GAREM1: variants seen among roughly 807,000 people sequenced by gnomAD.
The protein encoded by GAREM1 is GRB2-associated and regulator of MAPK protein 1.
A neutral mutation model predicts 71.3 loss-of-function variants in GAREM1; 26 were observed. The ratio of observed to expected loss-of-function variants is 0.36; its 90% confidence interval spans 0.27 to 0.51. GAREM1 has a LOEUF of 0.51. Ranked by LOEUF, GAREM1 falls within the 20% of genes least tolerant of loss-of-function variation. The pLI is 0.95. For missense variants in GAREM1, 1,026 were observed against 1,103.1 expected (o/e 0.93, Z 0.99); for synonymous variants, 440 against 433.2 (o/e 1.02, Z -0.20).
intron 1 of GAREM1, among the ~76,000 whole-genome samples, chr18:32,432,994 G>C (rs998097437): frequency 2.0e-5 from 3 of 152,062 alleles, no homozygotes; most frequent in Non-Finnish European, 4.4e-5. Flanking sequence ...TACAGGAAAA[G>C]ACAATTACAC....
At chr18:32,337,335 A>T (rs2047606271) in intron 2 of GAREM1, among the ~76,000 whole-genome samples, 1 of 152,254 alleles carries the variant, frequency 6.6e-6, no homozygotes, top group Non-Finnish European at 1.5e-5. Context: ...AAAACAAAGC[A>T]GATGAAACTA....
At chr18:32,293,397 C>T (rs139198244) in intron 3 of GAREM1, among the ~76,000 whole-genome samples, 8 of 152,264 alleles carry the variant, frequency 5.3e-5, no homozygotes, top group African/African-American at 1.7e-4. Context: ...TGAGCTCCTA[C>T]TGCTAAAATC....
chr18:32,467,177 C>T (rs1313147349), intron 1 of GAREM1, among the ~76,000 whole-genome samples: 3 of 152,136 alleles, frequency 2.0e-5, no homozygotes, highest in South Asian at 2.1e-4. Flanking sequence ...GTTCTGTAAC[C>T]TCTTCTTCCC....
At chr18:32,328,592 G>A (rs1303585060) in intron 2 of GAREM1, among the ~76,000 whole-genome samples, 1 of 152,016 alleles carries the variant, frequency 6.6e-6, no homozygotes, top group African/African-American at 2.4e-5. Flanking sequence ...AGCATTTTGT[G>A]GAATAAATGA....
chr18:32,411,656 T>C (rs1278500143), intron 1 of GAREM1, among the ~76,000 whole-genome samples: 1 of 152,176 alleles, frequency 6.6e-6, no homozygotes, highest in Non-Finnish European at 1.5e-5. Flanking sequence ...ATTCCATGAC[T>C]TTGTTTGGGT....
At chr18:32,291,842 T>C (rs962250461) in intron 3 of GAREM1, among the ~76,000 whole-genome samples, 2 of 152,338 alleles carry the variant, frequency 1.3e-5, no homozygotes, top group African/African-American at 4.8e-5. Flanking sequence ...TATGGCTGCA[T>C]AGTATTCCAT....
chr18:32,378,057 T>TGTGTGTGTGTGTGTGTGTGTGTGCGCGC (rs1293817110), intron 2 of GAREM1, among the ~76,000 whole-genome samples: 2 of 127,526 alleles, frequency 1.6e-5, no homozygotes, highest in African/African-American at 6.0e-5. Context: ...TGTGTGTGTG[T>TGTGTGTGTGTGTGTGTGTGTGTGCGCGC]GCGCGCGGGC....
intron 1 of GAREM1, among the ~76,000 whole-genome samples, chr18:32,400,153 A>C (rs374452410): frequency 0.076 from 11,525 of 152,202 alleles, 450 homozygotes; most frequent in African/African-American, 0.096. Flanking sequence ...TCTTCCTTAC[A>C]CCTTATACAA....
chr18:32,431,614 CA>C (rs1049834513), intron 1 of GAREM1, among the ~76,000 whole-genome samples: 8 of 152,040 alleles, frequency 5.3e-5, no homozygotes, highest in African/African-American at 1.9e-4. Context: ...GGCAACACAG[CA>C]AAACTCCGTC....
At chr18:32,308,085 T>A (rs540918263) in intron 3 of GAREM1, among the ~76,000 whole-genome samples, 105 of 152,262 alleles carry the variant, frequency 6.9e-4, no homozygotes, top group African/African-American at 2.5e-3. Context: ...ACTCCATAAG[T>A]AACAGACTAG....
At chr18:32,465,159 T>C (rs567042686) in intron 1 of GAREM1, among the ~76,000 whole-genome samples, 3 of 152,208 alleles carry the variant, frequency 2.0e-5, no homozygotes, top group East Asian at 3.9e-4. Flanking sequence ...GTGTACTCTC[T>C]TAAAATACAG....
At chr18:32,407,380 C>T (rs2048375101) in intron 1 of GAREM1, among the ~76,000 whole-genome samples, 1 of 152,152 alleles carries the variant, frequency 6.6e-6, no homozygotes, top group Admixed American at 6.6e-5. Flanking sequence ...TTGCAGTGAG[C>T]CAAGATCGCA....
chr18:32,270,502 T>C (rs1243257762), intron 4 of GAREM1, 119 bp from the exon 5 acceptor site: 83 of 788,232 alleles, frequency 1.1e-4, no homozygotes, highest in Non-Finnish European at 3.9e-6. Flanking sequence ...GGTGTAAGCA[T>C]GGCAGAGAGA....
chr18:32,359,904 C>T (rs2047847675), intron 2 of GAREM1, among the ~76,000 whole-genome samples: 1 of 151,656 alleles, frequency 6.6e-6, no homozygotes, highest in African/African-American at 2.4e-5. Flanking sequence ...CCAGCCTGGG[C>T]AACCAAGTAA....
chr18:32,377,864 G>T (rs1051452145), intron 2 of GAREM1, among the ~76,000 whole-genome samples: 28 of 152,102 alleles, frequency 1.8e-4, no homozygotes, highest in African/African-American at 6.3e-4. Flanking sequence ...GGCCTGGCCA[G>T]AAGATTATTT....
chr18:32,422,094 T>C (rs2048524397), intron 1 of GAREM1, among the ~76,000 whole-genome samples: 1 of 152,052 alleles, frequency 6.6e-6, no homozygotes, highest in African/African-American at 2.4e-5. Flanking sequence ...ACCCATTAAC[T>C]CTTCATTTAA....
At chr18:32,318,841 C>T (rs1293898518) in intron 2 of GAREM1, among the ~76,000 whole-genome samples, 1 of 152,136 alleles carries the variant, frequency 6.6e-6, no homozygotes, top group East Asian at 1.9e-4. Flanking sequence ...TCCTCCATGA[C>T]TGGGAGCAGA....
chr18:32,348,986 T>C (rs1438856817), intron 2 of GAREM1, among the ~76,000 whole-genome samples: 1 of 152,176 alleles, frequency 6.6e-6, no homozygotes. Context: ...TCTTATTTAG[T>C]CCAATTTTCT....
chr18:32,341,058 C>T (rs2047642572), intron 2 of GAREM1, among the ~76,000 whole-genome samples: 1 of 152,036 alleles, frequency 6.6e-6, no homozygotes, highest in Admixed American at 6.6e-5. Context: ...ATACATGTGC[C>T]ATGTTGGTGT....
Sources: gnomAD v4.1 joint callset for allele counts (sites outside exome capture counted in the v4.1 genomes callset) on GRCh38, gnomAD v4.1.1 for gene constraint, MANE v1.5 for transcripts, NCBI Gene and HGNC (gene_info 2026-07-23, HGNC 2026-07-21) for gene names.